Variants in C1orf21 observed in about 807,000 individuals in gnomAD.
C1orf21 encodes uncharacterized protein C1orf21.
In C1orf21, 3 loss-of-function variants were observed where a neutral mutation model predicts 18.7. The ratio of observed to expected loss-of-function variants is 0.16; its 90% CI spans 0.07 to 0.42. The LOEUF (loss-of-function observed/expected upper bound fraction) is 0.42, where lower values mean the gene tolerates loss of function less well. Among genes scored for constraint, C1orf21 ranks in the 10% least tolerant of loss-of-function variants. C1orf21 has a pLI of 0.99. For synonymous variants in C1orf21, 41 were observed against 46.4 expected, an observed-to-expected ratio of 0.88 and a Z score of 0.47; for missense variants, 104 against 143.6, an observed-to-expected ratio of 0.72 and a Z score of 1.41.
chr1:184,394,809 A>T (rs372136182), intron 1 of C1orf21, among the ~76,000 whole-genome samples: 1 of 152,194 alleles, frequency 6.6e-6, no homozygotes, highest in African/African-American at 2.4e-5. Flanking sequence ...ATCTCATTAT[A>T]TGTTTCAGGT....
At chr1:184,591,079 A>C (rs1287530395) in intron 4 of C1orf21, among the ~76,000 whole-genome samples, 1 of 152,260 alleles carries the variant, frequency 6.6e-6, no homozygotes, top group East Asian at 1.9e-4. Flanking sequence ...GGGTTATGCA[A>C]ATTCTATACC....
intron 3 of C1orf21, among the ~76,000 whole-genome samples, chr1:184,523,457 G>T (rs1658334745): frequency 6.6e-6 from 1 of 152,012 alleles, no homozygotes; most frequent in Non-Finnish European, 1.5e-5. Context: ...AAACTATCAA[G>T]GTCATCAGAA....
chr1:184,523,429 TCTGACTGGTACTC>T (rs796879985), intron 3 of C1orf21, among the ~76,000 whole-genome samples: 1 of 152,134 alleles, frequency 6.6e-6, no homozygotes, highest in East Asian at 1.9e-4. Flanking sequence ...CTACAAAATA[TCTGACTGGTACTC>T]CTGAAAACTA....
At position 184,387,708 on chromosome 1, in the gene C1orf21, C is replaced by T. The variant is rs1020280125; in HGVS notation, c.-125+340C>T. On this transcript the variant is annotated intron_variant, in intron 1 of 5. Coordinates refer to ENST00000235307, the MANE Select transcript of C1orf21 (RefSeq NM_030806.4). The surrounding 1 kb of genome is among the most constrained non-coding windows in gnomAD (Gnocchi z 5.6). ...TGGGTGGCTGGTGTTAGACACCCCT[C>T]CCTTCCCACCCGCACCCTGCCGCCC... Among the ~76,000 whole-genome samples, 1 of 152,120 alleles carries T rather than the reference C, an allele frequency of 6.6e-6. No individual in the cohort carries two copies. Among genetic ancestry groups the T allele is most frequent in the African/African-American group, 2.4e-5 (1 of 41,446 alleles).
intron 3 of C1orf21, among the ~76,000 whole-genome samples, chr1:184,584,063 T>C (rs1360001564): frequency 1.3e-5 from 2 of 151,826 alleles, no homozygotes; most frequent in Admixed American, 6.6e-5. Flanking sequence ...GAACCACGTG[T>C]CTCACTGCTC....
intron 3 of C1orf21, among the ~76,000 whole-genome samples, chr1:184,568,194 C>A (rs1481108375): frequency 6.6e-6 from 1 of 152,224 alleles, no homozygotes; most frequent in African/African-American, 2.4e-5. Context: ...TTACCACATA[C>A]ACACACAAAA....
intron 1 of C1orf21, among the ~76,000 whole-genome samples, chr1:184,475,038 A>G (rs1657548977): frequency 6.6e-6 from 1 of 152,198 alleles, no homozygotes; most frequent in Non-Finnish European, 1.5e-5. Context: ...TGCAGCAACA[A>G]AAACAGCAAC....
At chr1:184,555,777 A>G (rs1005841838) in intron 3 of C1orf21, among the ~76,000 whole-genome samples, 3 of 152,170 alleles carry the variant, frequency 2.0e-5, no homozygotes, top group Admixed American at 1.3e-4. Context: ...CCTCCAACAC[A>G]GAGGCATTCT....
At chr1:184,612,533 C>G (rs1327315667) in intron 5 of C1orf21, among the ~76,000 whole-genome samples, 1 of 152,126 alleles carries the variant, frequency 6.6e-6, no homozygotes, top group Non-Finnish European at 1.5e-5. Flanking sequence ...TGAGACTAGC[C>G]TGGCCAACAT....
intron 3 of C1orf21, chr1:184,566,855 G>T: frequency 2.0e-6 from 1 of 491,092 alleles, no homozygotes. Context: ...AATGCTCGAT[G>T]GAGTCAATGT....
At chr1:184,590,682 T>C in intron 3 of C1orf21, 57 bp from the exon 4 acceptor site, 1 of 1,509,020 alleles carries the variant, frequency 6.6e-7, no homozygotes, top group Non-Finnish European at 9.2e-7. Flanking sequence ...ACTCATACAC[T>C]TGTTTAATTG....
At chr1:184,518,931 A>G (rs1182416354) in intron 3 of C1orf21, among the ~76,000 whole-genome samples, 1 of 152,036 alleles carries the variant, frequency 6.6e-6, no homozygotes, top group Non-Finnish European at 1.5e-5. Context: ...AGCAGAAGGA[A>G]TAGTGTCACC....
At chr1:184,547,420 C>CTTTTTTTTTTT (rs34169321) in intron 3 of C1orf21, among the ~76,000 whole-genome samples, 1 of 102,966 alleles carries the variant, frequency 9.7e-6, no homozygotes, top group Non-Finnish European at 1.9e-5. Context: ...TACATCCAGA[C>CTTTTTTTTTTT]TTTTTTTTTT....
At chr1:184,444,351 T>C (rs1377338516) in intron 1 of C1orf21, among the ~76,000 whole-genome samples, 1 of 152,072 alleles carries the variant, frequency 6.6e-6, no homozygotes, top group Non-Finnish European at 1.5e-5. Context: ...ATTTGAATCA[T>C]GGGGTCAGTT....
At chr1:184,591,718 G>A (rs112126899) in intron 4 of C1orf21, among the ~76,000 whole-genome samples, 25 of 151,934 alleles carry the variant, frequency 1.6e-4, no homozygotes, top group South Asian at 1.2e-3. Flanking sequence ...AGGCAGGAGA[G>A]TGGCGTGAAC....
intron 3 of C1orf21, chr1:184,567,064 A>G (rs1337458568): frequency 2.0e-6 from 1 of 494,098 alleles, no homozygotes; most frequent in African/African-American, 2.0e-5. Context: ...ACCATCTGAA[A>G]AACATCCTTG....
intron 1 of C1orf21, among the ~76,000 whole-genome samples, chr1:184,419,553 A>G (rs1159429103): frequency 6.6e-6 from 1 of 152,164 alleles, no homozygotes; most frequent in African/African-American, 2.4e-5. Context: ...AGGAGCATAT[A>G]CTTTAGAACT....
chr1:184,590,874 A>G (rs1233479217), intron 4 of C1orf21, 59 bp downstream of exon 4: 2 of 1,426,760 alleles, frequency 1.4e-6, no homozygotes, highest in East Asian at 2.3e-5. Context: ...TGGATTCTGC[A>G]TCTGTGGATT....
chr1:184,507,578 T>C lies in C1orf21; in HGVS notation c.95-10T>C, dbSNP rs1658082545. ...AATTATAAAATGTGTTTTCTTTTTT[T>C]GGCACTCAGATGAGTATAGGATCAA... is the stretch of plus-strand genomic sequence containing the variant. On this transcript the variant is annotated splice_polypyrimidine_tract_variant and intron_variant, in intron 2 of 5. Coordinates refer to ENST00000235307, the MANE Select transcript of C1orf21 (RefSeq NM_030806.4). 1.3e-6 allele frequency: 2 copies of C among 1,573,052 alleles called. No individual in the cohort carries two copies. The highest frequency in any genetic ancestry group is 8.6e-7 in the Non-Finnish European group (1 of 1,166,204).
Sources: allele counts gnomAD v4.1 joint callset (sites outside exome capture counted in the v4.1 genomes callset), GRCh38; gene constraint gnomAD v4.1.1; non-coding constraint Gnocchi (gnomAD v3.1); transcripts MANE v1.5; gene names NCBI Gene and HGNC (gene_info 2026-07-23, HGNC 2026-07-21).